Variants in PHACTR3 observed in about 807,000 individuals in gnomAD.
The protein encoded by PHACTR3 is phosphatase and actin regulator 3.
Under a neutral mutation model 66.8 loss-of-function variants are expected in PHACTR3, and 16 were observed. The ratio of observed to expected loss-of-function variants is 0.24; its 90% CI spans 0.16 to 0.36. The LOEUF (loss-of-function observed/expected upper bound fraction) is 0.36, where lower values mean the gene tolerates loss of function less well. Among genes scored for constraint, PHACTR3 ranks in the 10% least tolerant of loss-of-function variants. The pLI, the probability that PHACTR3 is intolerant of heterozygous loss-of-function variation, is 1.00. For synonymous variants in PHACTR3, 323 were observed against 292.1 expected (o/e 1.11, Z -1.08); for missense variants, 647 against 719.9 (o/e 0.90, Z 1.16).
intron 1 of PHACTR3, among the ~76,000 whole-genome samples, chr20:59,714,142 G>T (rs1362143359): frequency 1.3e-5 from 2 of 152,072 alleles, no homozygotes; most frequent in African/African-American, 4.8e-5. Context: ...TGAGTCTTTG[G>T]TTGAAGTTCC....
chr20:59,686,659 GTGATGATGATGGTGATGATGATGGTGA>G (rs2036878419), intron 1 of PHACTR3, among the ~76,000 whole-genome samples: 8 of 145,474 alleles, frequency 5.5e-5, no homozygotes, highest in African/African-American at 1.9e-4. Flanking sequence ...GATGATGGTG[GTGATGATGATGGTGATGATGATGGTGA>G]TGATGATGAT....
intron 1 of PHACTR3, chr20:59,577,628 G>A: frequency 8.3e-7 from 1 of 1,207,074 alleles, no homozygotes; most frequent in Non-Finnish European, 1.0e-6. Context: ...GTAAGCGCGC[G>A]CTGCGGGGAG....
chr20:59,697,147 A>AAAGGCTCAG (rs2037327350), intron 1 of PHACTR3, among the ~76,000 whole-genome samples: 1 of 152,152 alleles, frequency 6.6e-6, no homozygotes, highest in African/African-American at 2.4e-5. Flanking sequence ...GATATGAAAC[A>AAAGGCTCAG]AAGGCTCAGA....
At chr20:59,743,952 C>T (rs758310831) in intron 2 of PHACTR3, among the ~76,000 whole-genome samples, 9 of 152,190 alleles carry the variant, frequency 5.9e-5, no homozygotes, top group African/African-American at 2.2e-4. Context: ...AGCCCTGGCT[C>T]TGTGGGAAGC....
chr20:59,782,639 G>A (rs1018702758), intron 7 of PHACTR3, among the ~76,000 whole-genome samples: 2 of 152,142 alleles, frequency 1.3e-5, no homozygotes, highest in African/African-American at 4.8e-5. Flanking sequence ...TGAGAACCAC[G>A]CAAAAGGAGT....
At chr20:59,702,477 A>C (rs943298260) in intron 1 of PHACTR3, among the ~76,000 whole-genome samples, 2 of 152,090 alleles carry the variant, frequency 1.3e-5, no homozygotes, top group African/African-American at 2.4e-5. Context: ...TGACCCCCTT[A>C]CTGAAAGGGT....
chr20:59,678,698 T>C (rs1005839428), intron 1 of PHACTR3, among the ~76,000 whole-genome samples: 5 of 152,334 alleles, frequency 3.3e-5, no homozygotes, highest in Admixed American at 3.3e-4. Context: ...TATTATATCA[T>C]TATTATTCAG....
At chr20:59,743,040 C>T (rs1441281426) in intron 1 of PHACTR3, 67 bp from the exon 2 acceptor site, 2 of 1,551,490 alleles carry the variant, frequency 1.3e-6, no homozygotes, top group East Asian at 2.3e-5. Flanking sequence ...AGGTCATCAC[C>T]TTGGGCCCCC....
Position 59,710,653 on chromosome 20 carries a change from A to G in PHACTR3, c.119-32454A>G, listed in dbSNP as rs539702649. Among the ~76,000 whole-genome samples, 7 of 152,268 alleles carry G rather than the reference A, an allele frequency of 4.6e-5. No homozygotes were observed. The South Asian group carries it at 6.2e-4, about 14-fold the overall frequency. ...GCTATTTTAATGAACAGCTGCATCA[A>G]TGACTCCCTAAATTCCAACTGCATC... On this transcript the variant is annotated intron_variant, in intron 1 of 12. Coordinates refer to ENST00000371015, the MANE Select transcript of PHACTR3 (RefSeq NM_080672.5).
At chr20:59,680,815 G>T (rs899284642) in intron 1 of PHACTR3, among the ~76,000 whole-genome samples, 1 of 152,182 alleles carries the variant, frequency 6.6e-6, no homozygotes, top group African/African-American at 2.4e-5. Context: ...CCCCTGTACA[G>T]CCCGTGTTCC....
chr20:59,623,332 G>A (rs1353714365), intron 1 of PHACTR3, among the ~76,000 whole-genome samples: 1 of 152,012 alleles, frequency 6.6e-6, no homozygotes, highest in African/African-American at 2.4e-5. Context: ...TCTATAAAAT[G>A]GGAACTATAG....
intron 1 of PHACTR3, among the ~76,000 whole-genome samples, chr20:59,737,294 T>C (rs2038979400): frequency 6.6e-6 from 1 of 152,082 alleles, no homozygotes; most frequent in Non-Finnish European, 1.5e-5. Flanking sequence ...GTCCTGTCCT[T>C]CCTCGCGTCT....
intron 1 of PHACTR3, among the ~76,000 whole-genome samples, chr20:59,583,834 T>C (rs1204546086): frequency 3.9e-5 from 6 of 152,216 alleles, no homozygotes; most frequent in African/African-American, 1.4e-4. Context: ...GGTGACCTTG[T>C]GGCCTAGATG....
At chr20:59,750,620 C>A (rs531729922) in intron 3 of PHACTR3, among the ~76,000 whole-genome samples, 1 of 152,250 alleles carries the variant, frequency 6.6e-6, no homozygotes, top group East Asian at 1.9e-4. Context: ...CACACACCGG[C>A]TGGGGTGGCA....
rs529257496 is a variant in PHACTR3, at chr20:59,605,499, C to G, written c.118+367C>G. On this transcript the variant is annotated intron_variant, in intron 1 of 12. Coordinates refer to ENST00000371015, the MANE Select transcript of PHACTR3 (RefSeq NM_080672.5). ...GGTTCTGGGCCATTCCCTCCCTCCC[C>G]ACTGCCGGGCCCCAGCTCCGGACGT... 2.8e-4 allele frequency among the ~76,000 whole-genome samples: 43 copies of G among 152,350 alleles called. No homozygotes were observed. In the East Asian group the frequency reaches 7.6e-3, roughly 27 times the overall value.
In PHACTR3 at chr20:59,774,390, A is replaced by G. The variant is rs2040455870; in HGVS notation, c.1074A>G (p.Glu358=). 6.2e-7 allele frequency: 1 copy of G among 1,614,146 alleles called. No homozygotes were observed. Among genetic ancestry groups the G allele is most frequent in the Non-Finnish European group, 8.5e-7 (1 of 1,180,024 alleles). The part of the protein sequence containing the change: ...ALENKRTAAK[E]SEENKENLII... ...AGAACAAGCGAACTGCCGCTAAGGA[A>G]TCTGAGGAGAACAAGGAGAACCTGA... Residue 358 remains glutamate (E), a synonymous_variant, in exon 7 of 13, where the codon GAA becomes GAG. Transcript: ENST00000371015.
At chr20:59,635,147 CT>C (rs752492335) in intron 1 of PHACTR3, among the ~76,000 whole-genome samples, 9 of 24,280 alleles carry the variant, frequency 3.7e-4, no homozygotes, top group South Asian at 1.5e-3. Context: ...TTCTTTCTTT[CT>C]TTTTCTTTCT....
intron 8 of PHACTR3, among the ~76,000 whole-genome samples, chr20:59,821,619 C>G (rs761643156): frequency 6.6e-6 from 1 of 152,118 alleles, no homozygotes; most frequent in East Asian, 1.9e-4. Context: ...GTAGGAAACT[C>G]GCGGCTTCTG....
intron 1 of PHACTR3, among the ~76,000 whole-genome samples, chr20:59,674,558 C>T (rs1295053787): frequency 2.0e-5 from 2 of 100,280 alleles, no homozygotes; most frequent in Non-Finnish European, 3.7e-5. Context: ...CCCTCCTTCT[C>T]CTATTCCCCG....
Sources: gnomAD v4.1 joint callset for allele counts (sites outside exome capture counted in the v4.1 genomes callset) on GRCh38, gnomAD v4.1.1 for gene constraint, MANE v1.5 for transcripts, NCBI Gene and HGNC (gene_info 2026-07-23, HGNC 2026-07-21) for gene names.